The following GABRB1 variants were observed in gnomAD, a reference collection of about 807,000 sequenced individuals.
The protein encoded by GABRB1 is gamma-aminobutyric acid type A receptor subunit beta1, also known as gamma-aminobutyric acid receptor subunit beta-1.
Under a neutral mutation model 51.6 loss-of-function variants are expected in GABRB1, and 17 were observed. The observed-to-expected ratio is 0.33, with a 90% confidence interval of 0.23 to 0.49. The LOEUF is 0.49. Ranked by LOEUF, GABRB1 falls within the 20% of genes least tolerant of loss-of-function variation. The pLI is 0.99. For synonymous variants in GABRB1, 247 were observed against 218.9 expected, an observed-to-expected ratio of 1.13 and a Z score of -1.14; for missense variants, 410 against 600.6, an observed-to-expected ratio of 0.68 and a Z score of 3.32.
chr4:47,311,411 CAAAAAAAAAAAA>C (rs71276540), intron 4 of GABRB1, among the ~76,000 whole-genome samples: 3 of 46,368 alleles, frequency 6.5e-5, no homozygotes, highest in Non-Finnish European at 9.2e-5. Flanking sequence ...GACTCTGTCT[CAAAAAAAAAAAA>C]AAAAAAAAAA....
chr4:47,403,307 A>G lies in GABRB1; in HGVS notation c.545-11A>G, dbSNP rs750749012. On this transcript the variant is annotated splice_polypyrimidine_tract_variant and intron_variant, in intron 5 of 8. Transcript: ENST00000295454. ...AACTTTGTTTAACCGTGCTGTTTTT[A>G]TTGGTTTCAGATGGCTATACCACTG... The G allele has an allele frequency of 3.7e-6, 6 of 1,613,110 alleles. No individual in the cohort carries two copies. Among genetic ancestry groups the G allele is most frequent in the Non-Finnish European group, 5.1e-6 (6 of 1,179,578 alleles).
intron 3 of GABRB1, among the ~76,000 whole-genome samples, chr4:47,033,747 G>A (rs1342527979): frequency 6.6e-6 from 1 of 152,136 alleles, no homozygotes; most frequent in Admixed American, 6.5e-5. Context: ...TAAAAAGTGT[G>A]ACTATTTAAT....
intron 8 of GABRB1, among the ~76,000 whole-genome samples, chr4:47,420,748 C>T (rs896796315): frequency 5.9e-5 from 9 of 152,174 alleles, no homozygotes; most frequent in Admixed American, 5.2e-4. Flanking sequence ...CTTAGATGCC[C>T]TGATATGGTT....
chr4:47,220,154 A>G (rs1720714231), intron 4 of GABRB1, among the ~76,000 whole-genome samples: 1 of 151,890 alleles, frequency 6.6e-6, no homozygotes, highest in African/African-American at 2.4e-5. Flanking sequence ...GCATCATCCC[A>G]TCTTTTTTCT....
intron 4 of GABRB1, among the ~76,000 whole-genome samples, chr4:47,199,312 T>C (rs1267096127): frequency 6.6e-6 from 1 of 152,206 alleles, no homozygotes; most frequent in Non-Finnish European, 1.5e-5. Flanking sequence ...GACAACCTTT[T>C]GCTAGTGCCT....
chr4:47,368,304 C>T (rs1360268155), intron 5 of GABRB1, among the ~76,000 whole-genome samples: 2 of 152,206 alleles, frequency 1.3e-5, no homozygotes, highest in African/African-American at 2.4e-5. Flanking sequence ...GTATTATCTA[C>T]TCCCCAACAC....
chr4:47,363,210 A>G (rs1286455779), intron 5 of GABRB1, among the ~76,000 whole-genome samples: 10 of 152,176 alleles, frequency 6.6e-5, no homozygotes, highest in Non-Finnish European at 2.9e-5. Context: ...CACTTTAGAG[A>G]TAAAGAAATT....
intron 5 of GABRB1, among the ~76,000 whole-genome samples, chr4:47,369,586 T>C (rs1041902805): frequency 6.6e-6 from 1 of 152,202 alleles, no homozygotes; most frequent in East Asian, 1.9e-4. Context: ...CATCTAATCC[T>C]TTTTTCTAAT....
intron 3 of GABRB1, among the ~76,000 whole-genome samples, chr4:47,036,785 C>T (rs1283684538): frequency 6.6e-6 from 1 of 151,792 alleles, no homozygotes; most frequent in African/African-American, 2.4e-5. Context: ...TCACTTGAAC[C>T]CAGGAGGCTG....
At position 47,169,656 on chromosome 4, in the gene GABRB1, C is replaced by T. The variant is rs537572839; in HGVS notation, c.461+8187C>T. 5.3e-5 allele frequency among the ~76,000 whole-genome samples: 8 copies of T among 152,232 alleles called. No homozygotes were observed. The South Asian group carries it at 8.3e-4, about 16-fold the overall frequency. On this transcript the variant is annotated intron_variant, in intron 4 of 8. Transcript: ENST00000295454. Reference sequence around the variant, plus strand: ...AGCTGGGATTACAGGCACGTGCCACCGCACCCAGCTAATTTTTTGTATTTT... The same window carrying T: ...AGCTGGGATTACAGGCACGTGCCACTGCACCCAGCTAATTTTTTGTATTTT...
intron 4 of GABRB1, among the ~76,000 whole-genome samples, chr4:47,169,848 C>G (rs985165891): frequency 6.6e-6 from 1 of 152,104 alleles, no homozygotes; most frequent in Non-Finnish European, 1.5e-5. Flanking sequence ...AGTCTACACT[C>G]TCAGCCCTGG....
At chr4:47,287,512 A>T (rs2109916766) in intron 4 of GABRB1, among the ~76,000 whole-genome samples, 1 of 152,288 alleles carries the variant, frequency 6.6e-6, no homozygotes, top group Admixed American at 6.5e-5. Context: ...TAAAACCCAG[A>T]TCATGCTGGT....
At chr4:47,267,341 GA>G (rs1722676512) in intron 4 of GABRB1, among the ~76,000 whole-genome samples, 1 of 151,314 alleles carries the variant, frequency 6.6e-6, no homozygotes, top group Non-Finnish European at 1.5e-5. Context: ...AGCTCTTAAG[GA>G]AAAAATATCA....
chr4:47,154,533 A>G (rs1366014847), intron 3 of GABRB1, among the ~76,000 whole-genome samples: 1 of 151,996 alleles, frequency 6.6e-6, no homozygotes, highest in Admixed American at 6.6e-5. Flanking sequence ...GGTGGGCTAG[A>G]TGATTGTTTG....
At chr4:47,318,670 T>C (rs1405201254) in intron 4 of GABRB1, among the ~76,000 whole-genome samples, 1 of 152,078 alleles carries the variant, frequency 6.6e-6, no homozygotes, top group African/African-American at 2.4e-5. Context: ...TAACTCTACA[T>C]ATCCTATCTG....
At chr4:47,402,067 T>C (rs747767347) in intron 5 of GABRB1, among the ~76,000 whole-genome samples, 1 of 152,218 alleles carries the variant, frequency 6.6e-6, no homozygotes, top group East Asian at 1.9e-4. Flanking sequence ...CTGGTGATTA[T>C]ATCTGGAAGC....
At chr4:47,049,503 T>C (rs576637546) in intron 3 of GABRB1, among the ~76,000 whole-genome samples, 1 of 152,264 alleles carries the variant, frequency 6.6e-6, no homozygotes, top group Admixed American at 6.5e-5. Context: ...AATAGTAATA[T>C]GTAAAGGTCA....
chr4:47,270,629 G>C (rs1385972229), intron 4 of GABRB1, among the ~76,000 whole-genome samples: 1 of 152,222 alleles, frequency 6.6e-6, no homozygotes, highest in African/African-American at 2.4e-5. Context: ...GTATTTGTCA[G>C]AGTGGGGAAC....
rs866224759 is a variant in GABRB1 at position 47,077,884 on chromosome 4, T to A, written c.240+45400T>A. ...TATTTTATATATATTATATGTATTT[T>A]TATATATATTATATGTATTTTATAT... On this transcript the variant is annotated intron_variant, in intron 3 of 8. Transcript: ENST00000295454. Among the ~76,000 whole-genome samples, 154 of 140,660 alleles carry A rather than the reference T, an allele frequency of 1.1e-3. 4 individuals carry two copies. In the Middle Eastern group the frequency reaches 0.036, roughly 33 times the overall value. The allele number at this position is 140,660 out of a possible 152,430, so 92.3% of individuals were successfully genotyped here.
Sources: allele counts gnomAD v4.1 joint callset (sites outside exome capture counted in the v4.1 genomes callset), GRCh38; gene constraint gnomAD v4.1.1; transcripts MANE v1.5; gene names NCBI Gene and HGNC (gene_info 2026-07-23, HGNC 2026-07-21).